The following TMEM184B variants were observed in gnomAD, a reference collection of about 807,000 sequenced individuals.
TMEM184B encodes transmembrane protein 184B.
A neutral mutation model predicts 41.8 loss-of-function variants in TMEM184B; 17 were observed. That is an observed-to-expected ratio of 0.41 (90% CI 0.28 to 0.61). The LOEUF is 0.61. Ranked by LOEUF, TMEM184B falls within the 20% of genes least tolerant of loss-of-function variation. The probability of loss-of-function intolerance (pLI) is 0.34; values close to 1 mark genes in which losing one functional copy is unlikely to be tolerated. For missense variants in TMEM184B, 393 were observed against 557.8 expected, an observed-to-expected ratio of 0.70 and a Z score of 2.98; for synonymous variants, 240 against 229.5, an observed-to-expected ratio of 1.05 and a Z score of -0.41.
rs1450393196 is a variant in TMEM184B at position 38,224,930 on chromosome 22, G to A, written c.837C>T (p.His279=). ...CCTCGCCCACCGACACGCGGGCCGA[G>A]TGGATTTTGGGGATGGCCCCACACT... ...LEKCGAIPKI[H]SARVSVGEGT... Residue 279 remains histidine, a synonymous_variant, in exon 8 of 9, where the codon CAC becomes CAT. Transcript: ENST00000361906. The A allele has an allele frequency of 3.7e-6, 6 of 1,606,184 alleles. No homozygotes were observed. The South Asian group carries it at 5.6e-5, about 15-fold the overall frequency.
chr22:38,243,278 C>T (rs1028082679), intron 3 of TMEM184B, among the ~76,000 whole-genome samples: 1 of 152,152 alleles, frequency 6.6e-6, no homozygotes, highest in African/African-American at 2.4e-5. Flanking sequence ...GAGGGGTGCC[C>T]GCCAGCCATC....
At chr22:38,234,625 T>C (rs2091722703) in intron 3 of TMEM184B, among the ~76,000 whole-genome samples, 1 of 152,170 alleles carries the variant, frequency 6.6e-6, no homozygotes, top group South Asian at 2.1e-4. Context: ...CTGTGATCAC[T>C]CACGCCTGCA....
chr22:38,257,260 T>C (rs1204150129), intron 1 of TMEM184B, among the ~76,000 whole-genome samples: 2 of 152,214 alleles, frequency 1.3e-5, no homozygotes, highest in African/African-American at 4.8e-5. Flanking sequence ...TAGTGGGTTT[T>C]GGACTCGCTT....
chr22:38,230,646 A>G, intron 5 of TMEM184B, 23 bp downstream of exon 5: 3 of 1,601,304 alleles, frequency 1.9e-6, no homozygotes, highest in Non-Finnish European at 2.6e-6. Flanking sequence ...CTCCTGAGCT[A>G]GGCAGCTGCT....
intron 1 of TMEM184B, among the ~76,000 whole-genome samples, chr22:38,251,667 C>T (rs372181264): frequency 3.3e-4 from 50 of 152,328 alleles, no homozygotes; most frequent in African/African-American, 1.2e-3. Flanking sequence ...CAGGCACTGA[C>T]CGGGAAGCTG....
intron 3 of TMEM184B, among the ~76,000 whole-genome samples, chr22:38,234,278 C>A (rs1721761833): frequency 6.6e-6 from 1 of 152,138 alleles, no homozygotes; most frequent in South Asian, 2.1e-4. Flanking sequence ...AGTCACCATG[C>A]AGCGGGGAAG....
chr22:38,247,628 A>G, intron 2 of TMEM184B, 142 bp downstream of exon 2: 2 of 1,082,300 alleles, frequency 1.8e-6, no homozygotes, highest in Non-Finnish European at 2.5e-6. Flanking sequence ...CAAGAAGTAG[A>G]CTTCTATCGA....
At chr22:38,219,057 C>T (rs960394918), downstream of TMEM184B, among the ~76,000 whole-genome samples, 4 of 152,322 alleles carry the variant, frequency 2.6e-5, no homozygotes, top group Non-Finnish European at 5.9e-5. Flanking sequence ...GAGCATCGAC[C>T]GCCTGCGGCC....
At chr22:38,254,145 G>A (rs1430646677) in intron 1 of TMEM184B, among the ~76,000 whole-genome samples, 1 of 146,042 alleles carries the variant, frequency 6.8e-6, no homozygotes. Context: ...AGGTTGCAGT[G>A]AGCCAAGATC....
intron 2 of TMEM184B, chr22:38,246,806 C>T: frequency 1.6e-6 from 2 of 1,278,622 alleles, no homozygotes; most frequent in South Asian, 1.3e-5. Flanking sequence ...GCTGCTCTAC[C>T]ACAGTCCTCA....
intron 1 of TMEM184B, among the ~76,000 whole-genome samples, chr22:38,266,626 A>G (rs2092447585): frequency 6.6e-6 from 1 of 152,242 alleles, no homozygotes; most frequent in Non-Finnish European, 1.5e-5. Flanking sequence ...TTCAAATGCT[A>G]TGGGTAAATG....
chr22:38,236,002 C>T (rs1039504528), intron 3 of TMEM184B, among the ~76,000 whole-genome samples: 3 of 152,204 alleles, frequency 2.0e-5, no homozygotes, highest in African/African-American at 4.8e-5. Flanking sequence ...GTGTGCCAGG[C>T]TCTGTGCTAA....
At chr22:38,231,142 C>T (rs570184611) in intron 4 of TMEM184B, 102 bp downstream of exon 4, 33 of 1,032,838 alleles carry the variant, frequency 3.2e-5, no homozygotes, top group African/African-American at 2.0e-4. Context: ...GTCAAGGTCA[C>T]GGGCAGACAT....
At chr22:38,216,962 C>A (rs1397019824), downstream of TMEM184B, among the ~76,000 whole-genome samples, 1 of 152,028 alleles carries the variant, frequency 6.6e-6, no homozygotes, top group Non-Finnish European at 1.5e-5. Flanking sequence ...GTGGGAGGAT[C>A]ACTTGAGGCC....
At chr22:38,223,655 G>C (rs570744048) in intron 8 of TMEM184B, 1 of 152,498 alleles carries the variant, frequency 6.6e-6, no homozygotes, top group African/African-American at 2.4e-5. Flanking sequence ...CAGCCACTCG[G>C]GCAGACAGCT....
intron 3 of TMEM184B, among the ~76,000 whole-genome samples, chr22:38,241,876 T>C (rs1602422876): frequency 3.9e-5 from 2 of 50,956 alleles, no homozygotes; most frequent in South Asian, 7.0e-4. Context: ...AGAGCGAGAC[T>C]CCGTCTCAAA....
At chr22:38,236,199 T>C (rs533448055) in intron 3 of TMEM184B, among the ~76,000 whole-genome samples, 3 of 152,292 alleles carry the variant, frequency 2.0e-5, no homozygotes, top group African/African-American at 7.2e-5. Context: ...TCCTCCATCG[T>C]TGGAATGAGA....
At chr22:38,271,614 CCTT>C (rs60240840) in intron 1 of TMEM184B, among the ~76,000 whole-genome samples, 54,624 of 151,930 alleles carry the variant, frequency 0.36, 10,822 homozygotes, top group Middle Eastern at 0.47. Context: ...CCTCTGTACT[CCTT>C]CTACTCCTTT....
intron 3 of TMEM184B, among the ~76,000 whole-genome samples, chr22:38,244,264 T>C (rs1314025487): frequency 6.6e-6 from 1 of 151,970 alleles, no homozygotes; most frequent in Non-Finnish European, 1.5e-5. Context: ...TTCACTCCAA[T>C]ATCCACAGAG....
Sources: gnomAD v4.1 joint callset for allele counts (sites outside exome capture counted in the v4.1 genomes callset) on GRCh38, gnomAD v4.1.1 for gene constraint, MANE v1.5 for transcripts, NCBI Gene and HGNC (gene_info 2026-07-23, HGNC 2026-07-21) for gene names.